HACL1: variants seen among roughly 807,000 people sequenced by gnomAD.
The protein encoded by HACL1 is 1600020H07Rik.
Under a neutral mutation model 74.2 loss-of-function variants are expected in HACL1, and 64 were observed. That is an observed-to-expected ratio of 0.86 (90% CI 0.70 to 1.06). HACL1 has a LOEUF of 1.06. Among genes scored for constraint, HACL1 ranks in the 50% least tolerant of loss-of-function variants. The pLI is 0.00. For synonymous variants in HACL1, 230 were observed against 238.8 expected, an observed-to-expected ratio of 0.96 and a Z score of 0.34; for missense variants, 728 against 719.7, an observed-to-expected ratio of 1.01 and a Z score of -0.13.
chr3:15,586,739 T>C, intron 5 of HACL1, 137 bp from the exon 6 acceptor site: 1 of 554,632 alleles, frequency 1.8e-6, no homozygotes, highest in Admixed American at 3.5e-5. Flanking sequence ...AGACTGTCCC[T>C]TAAAAGCCTA....
chr3:15,571,702 C>T lies in HACL1; in HGVS notation c.1061G>A (p.Arg354Lys), dbSNP rs1408794033. The change falls in exon 12 of 17, where the codon AGA becomes AAA. Residue 354 changes from arginine to lysine, a missense_variant. By Grantham distance (26) the Arg-to-Lys change is conservative (BLOSUM62 2). Coordinates refer to ENST00000321169, the MANE Select transcript of HACL1 (RefSeq NM_012260.4). ...PPESKWWKTL[R>K]EKMKSNEAAS... ...AGCTTCATTGCTCTTCATTTTTTCT[C>T]TCAGAGTTTTCCACCACTTGCTCTC... The T allele has an allele frequency of 6.5e-7, 1 of 1,544,924 alleles. No individual in the cohort carries two copies. The highest frequency in any genetic ancestry group is 8.9e-7 in the Non-Finnish European group (1 of 1,118,956).
intron 16 of HACL1, 51 bp downstream of exon 16, chr3:15,563,307 G>A (rs2063376615): frequency 2.4e-6 from 3 of 1,226,036 alleles, no homozygotes; most frequent in East Asian, 4.7e-5. Flanking sequence ...TTTGGAGGGG[G>A]ATAGGGGAAG....
chr3:15,593,124 CATACGTATATATGTAT>C (rs2063981584), intron 3 of HACL1, among the ~76,000 whole-genome samples: 6 of 136,898 alleles, frequency 4.4e-5, no homozygotes, highest in African/African-American at 6.2e-5. Flanking sequence ...TATACACACA[CATACGTATATATGTAT>C]ATATACACAC....
chr3:15,571,571 T>G, intron 12 of HACL1, 97 bp downstream of exon 12: 1 of 750,990 alleles, frequency 1.3e-6, no homozygotes, highest in Middle Eastern at 2.3e-4. Context: ...ATTTTGCACA[T>G]CAAGGTGATT....
rs1041771993 is a variant in HACL1 at position 15,601,382 on chromosome 3, C to T, written c.81+1G>A. The T allele has an allele frequency of 2.5e-6, 4 of 1,614,050 alleles. No individual in the cohort carries two copies. The highest frequency in any genetic ancestry group is 1.3e-5 in the African/African-American group (1 of 74,956). The stretch of plus-strand genomic sequence containing the variant: ...TTTCATTCCAGGAAGGTCCATCGTA[C>T]TTGCGTTTTCAGGGCCTGAGCGATG... On this transcript the variant is annotated splice_donor_variant, in intron 1 of 16. Coordinates refer to ENST00000321169, the MANE Select transcript of HACL1 (RefSeq NM_012260.4). LOFTEE classifies it high-confidence loss of function.
At chr3:15,601,298 G>A in intron 1 of HACL1, 85 bp downstream of exon 1, 2 of 1,583,472 alleles carry the variant, frequency 1.3e-6, no homozygotes, top group Non-Finnish European at 8.7e-7. Flanking sequence ...GACCCCCATC[G>A]CCCATTTCTA....
rs528982891 is a variant in HACL1, at chr3:15,596,219, T to C, written c.227+165A>G. ...CACTCTGAAACACTTCTGGTATCAT[T>C]ATTCTTTTGATGTGGTCCTCAGAGA... On this transcript the variant is annotated intron_variant, in intron 3 of 16. Coordinates refer to ENST00000321169, the MANE Select transcript of HACL1 (RefSeq NM_012260.4). The C allele has an allele frequency of 2.6e-4, 152 of 583,614 alleles. No individual in the cohort carries two copies. In the South Asian group the frequency reaches 2.9e-3, roughly 11 times the overall value. The allele number at this position is 583,614 out of a possible 1,614,324, so 36.2% of individuals were successfully genotyped here. A position where few individuals can be genotyped will look rare whatever the true frequency, so the allele number is the denominator to read the frequency against.
rs778513286 is a variant in HACL1 at position 15,575,102 on chromosome 3, GAAAGTATAACTACATT to G, written c.804-36_804-21del. The G allele has an allele frequency of 2.1e-5, 24 of 1,167,952 alleles. No homozygotes were observed. Among genetic ancestry groups the G allele is most frequent in the African/African-American group, 3.0e-5 (2 of 66,486 alleles). 72.3% of individuals were successfully genotyped at this position (1,167,952 alleles called of 1,614,324 possible). ...AAAGCCCTATTAAAAAAATTGATAT[GAAAGTATAACTACATT>G]TCTTATTTGAATTATTCGAAAATTC... On this transcript the variant is annotated intron_variant, in intron 9 of 16. Coordinates refer to ENST00000321169, the MANE Select transcript of HACL1 (RefSeq NM_012260.4).
chr3:15,572,573 T>C (rs764165884), intron 11 of HACL1, among the ~76,000 whole-genome samples: 3 of 152,246 alleles, frequency 2.0e-5, no homozygotes, highest in Non-Finnish European at 4.4e-5. Flanking sequence ...CAGAGTGATT[T>C]AATATGTGAT....
At chr3:15,563,600 A>C in intron 15 of HACL1, 56 bp from the exon 16 acceptor site, 3 of 1,154,356 alleles carry the variant, frequency 2.6e-6, no homozygotes, top group Non-Finnish European at 3.8e-6. Context: ...TGTAGAAAAA[A>C]AGTCATTCTC....
At chr3:15,599,605 T>G (rs921364724) in intron 2 of HACL1, among the ~76,000 whole-genome samples, 1 of 152,164 alleles carries the variant, frequency 6.6e-6, no homozygotes, top group Non-Finnish European at 1.5e-5. Flanking sequence ...TTTACCTACC[T>G]TGAGGGAACC....
intron 3 of HACL1, among the ~76,000 whole-genome samples, chr3:15,592,509 T>TAC (rs1313058741): frequency 4.9e-5 from 7 of 144,252 alleles, no homozygotes; most frequent in Admixed American, 3.4e-4. Context: ...CACTTGTATA[T>TAC]ACACTTGTAT....
chr3:15,597,536 G>T (rs1367673305), intron 2 of HACL1, among the ~76,000 whole-genome samples: 2 of 144,562 alleles, frequency 1.4e-5, no homozygotes, highest in Non-Finnish European at 3.0e-5. Context: ...CATTTCTTTA[G>T]AAATAATAAT....
At chr3:15,601,270 C>G in intron 1 of HACL1, 76 bp from the exon 2 acceptor site, 1 of 1,562,136 alleles carries the variant, frequency 6.4e-7, no homozygotes, top group African/African-American at 1.4e-5. Context: ...CTCCCGGGCG[C>G]TAAAAGGAAA....
intron 2 of HACL1, among the ~76,000 whole-genome samples, chr3:15,596,898 TTTTC>T (rs2064077098): frequency 6.6e-6 from 1 of 152,156 alleles, no homozygotes; most frequent in African/African-American, 2.4e-5. Context: ...TTTGATTTGC[TTTTC>T]TTTTTCTAGC....
intron 3 of HACL1, among the ~76,000 whole-genome samples, chr3:15,592,472 A>T (rs866251789): frequency 3.4e-4 from 7 of 20,766 alleles, no homozygotes; most frequent in South Asian, 3.7e-3. Flanking sequence ...ACATACACAC[A>T]CGTATACATA....
chr3:15,566,922 G>A (rs917339906), intron 14 of HACL1, among the ~76,000 whole-genome samples: 5 of 146,584 alleles, frequency 3.4e-5, no homozygotes, highest in African/African-American at 1.0e-4. Context: ...AGGTTCAAGC[G>A]ATTCTCCTGC....
chr3:15,575,114 A>G, intron 9 of HACL1, 32 bp from the exon 10 acceptor site: 1 of 1,042,638 alleles, frequency 9.6e-7, no homozygotes, highest in Non-Finnish European at 1.5e-6. Context: ...AAGTATAACT[A>G]CATTTCTTAT....
intron 14 of HACL1, among the ~76,000 whole-genome samples, chr3:15,566,193 A>G (rs116295595): frequency 6.8e-4 from 104 of 152,356 alleles, no homozygotes; most frequent in African/African-American, 2.3e-3. Context: ...AAGCCCTAAT[A>G]AGAGCCCTGG....
Sources: gnomAD v4.1 joint callset for allele counts (sites outside exome capture counted in the v4.1 genomes callset) on GRCh38, gnomAD v4.1.1 for gene constraint, MANE v1.5 for transcripts, NCBI Gene and HGNC (gene_info 2026-07-23, HGNC 2026-07-21) for gene names.